Variants in CNGA1 observed in about 807,000 individuals in gnomAD.
The protein encoded by CNGA1 is cyclic nucleotide gated channel subunit alpha 1, also known as cyclic nucleotide-gated channel alpha-1.
In CNGA1, 53 loss-of-function variants were observed where a neutral mutation model predicts 69.7. The observed-to-expected ratio is 0.76, with a 90% CI of 0.61 to 0.96. The LOEUF (loss-of-function observed/expected upper bound fraction) is 0.96. Among genes scored for constraint, CNGA1 ranks in the 40% least tolerant of loss-of-function variants. The pLI, the probability that CNGA1 is intolerant of heterozygous loss-of-function variation, is 0.00. For synonymous variants in CNGA1, 249 were observed against 283.5 expected, an observed-to-expected ratio of 0.88 and a Z score of 1.22; for missense variants, 739 against 811.2, an observed-to-expected ratio of 0.91 and a Z score of 1.08.
chr4:47,938,315 AT>A (rs1290897834), intron 10 of CNGA1, among the ~76,000 whole-genome samples: 3 of 5,940 alleles, frequency 5.1e-4, no homozygotes, highest in Non-Finnish European at 7.6e-4. Context: ...ATATTGTGAG[AT>A]ATATATATAT....
At position 47,942,118 on chromosome 4, in the gene CNGA1, G is replaced by A. The variant is rs774658179; in HGVS notation, c.468C>T (p.Pro156=). Residue 156 remains proline (P), a synonymous_variant, in exon 9 of 11, where the codon CCC becomes CCT. Coordinates refer to ENST00000514170, the MANE Select transcript of CNGA1 (RefSeq NM_001379270.1). The part of the protein sequence containing the change: ...EEKKEVVVID[P]SGNTYYNWLF... ...GCCAGTTGTAATATGTGTTTCCCGA[G>A]GGATCAATAACCACAACTTCTTTCT... 6.2e-7 allele frequency: 1 copy of A among 1,613,596 alleles called. No individual in the cohort carries two copies. Among genetic ancestry groups the A allele is most frequent in the Non-Finnish European group, 8.5e-7 (1 of 1,179,610 alleles).
At chr4:47,954,653 C>T (rs1739954242) in intron 3 of CNGA1, among the ~76,000 whole-genome samples, 1 of 152,212 alleles carries the variant, frequency 6.6e-6, no homozygotes, top group Admixed American at 6.5e-5. Flanking sequence ...TGTTCCTCCT[C>T]CTAATTCCCT....
At chr4:47,945,527 G>C (rs1446247794) in intron 6 of CNGA1, among the ~76,000 whole-genome samples, 3 of 152,138 alleles carry the variant, frequency 2.0e-5, no homozygotes, top group African/African-American at 7.2e-5. Context: ...CATCATCGTG[G>C]CCCCCTGTTA....
intron 3 of CNGA1, among the ~76,000 whole-genome samples, chr4:47,980,190 T>C (rs1210399758): frequency 1.3e-5 from 2 of 152,200 alleles, no homozygotes; most frequent in Admixed American, 6.5e-5. Context: ...GTGATTGGTG[T>C]TTATGGGTGT....
chr4:47,937,731 G>T lies in CNGA1; in HGVS notation c.751C>A (p.Pro251Thr). 4 of 1,613,796 alleles carry T rather than the reference G, an allele frequency of 2.5e-6. No individual in the cohort carries two copies. The highest frequency in any genetic ancestry group is 3.4e-6 in the Non-Finnish European group (4 of 1,179,784). The change falls in exon 11 of 11, where the codon CCA (proline) becomes ACA (threonine). Residue 251 changes from proline to threonine, a missense_variant. Physicochemically the swap from Pro to Thr is conservative, Grantham distance 38. Transcript: ENST00000514170. ...QFKLDVLSLIPTDLLYFKLGW... is the reference protein window; with the variant it reads ...QFKLDVLSLITTDLLYFKLGW... ...AACTTAAAATACAGCAAATCAGTTG[G>T]TATCAGTGACAGAACATCAAGTTTA...
chr4:47,959,772 T>A (rs991893421), intron 3 of CNGA1, among the ~76,000 whole-genome samples: 1 of 151,954 alleles, frequency 6.6e-6, no homozygotes, highest in Non-Finnish European at 1.5e-5. Context: ...CCTGGCTAAT[T>A]TTTTTGTATT....
At chr4:47,984,990 A>T (rs1741921477) in intron 2 of CNGA1, among the ~76,000 whole-genome samples, 1 of 152,154 alleles carries the variant, frequency 6.6e-6, no homozygotes, top group African/African-American at 2.4e-5. Flanking sequence ...GAGCTTAAAT[A>T]TATGGGTTTT....
intron 2 of CNGA1, among the ~76,000 whole-genome samples, chr4:47,985,446 T>A (rs1200691886): frequency 6.6e-6 from 1 of 152,190 alleles, no homozygotes; most frequent in African/African-American, 2.4e-5. Flanking sequence ...TTCGCTCCCA[T>A]AGGTAGCCAT....
intron 5 of CNGA1, 132 bp from the exon 6 acceptor site, chr4:47,950,027 T>A (rs1739648260): frequency 1.3e-6 from 1 of 746,290 alleles, no homozygotes; most frequent in Non-Finnish European, 2.3e-6. Flanking sequence ...AGATGATAGA[T>A]ATTTCAAAAA....
chr4:47,975,643 C>T (rs1741308957), intron 3 of CNGA1, among the ~76,000 whole-genome samples: 1 of 152,062 alleles, frequency 6.6e-6, no homozygotes, highest in Admixed American at 6.6e-5. Flanking sequence ...CTGTTATAAT[C>T]CCAGTATCTA....
chr4:47,998,533 G>A lies in CNGA1; in HGVS notation c.-123+12261C>T, dbSNP rs147169015. Among the ~76,000 whole-genome samples the A allele has an allele frequency of 4.6e-3, 693 of 152,224 alleles. 4 individuals are homozygous for A. Among genetic ancestry groups the A allele is most frequent in the Middle Eastern group, 0.017 (5 of 294 alleles). ...CTCATGCCTTTAATCCCAGCACTTT[G>A]GTAGGCTGAGATGGGCAGATCATTT... On this transcript the variant is annotated intron_variant, in intron 2 of 10. Transcript: ENST00000514170.
At chr4:47,994,693 T>G (rs1216278147) in intron 2 of CNGA1, among the ~76,000 whole-genome samples, 1 of 152,130 alleles carries the variant, frequency 6.6e-6, no homozygotes, top group Admixed American at 6.6e-5. Context: ...AGATGTGAGG[T>G]GCCATTCCAT....
At chr4:47,951,187 C>A (rs1164453330) in intron 5 of CNGA1, among the ~76,000 whole-genome samples, 166 bp downstream of exon 5, 1 of 152,208 alleles carries the variant, frequency 6.6e-6, no homozygotes, top group Non-Finnish European at 1.5e-5. Context: ...GTTTACAAAC[C>A]CATTTATGCC....
intron 9 of CNGA1, 147 bp downstream of exon 9, chr4:47,941,894 T>C (rs1739098747): frequency 1.6e-6 from 1 of 640,438 alleles, no homozygotes. Context: ...GAAAACACAC[T>C]GAGAATAATC....
intron 2 of CNGA1, among the ~76,000 whole-genome samples, chr4:48,007,624 T>A (rs1714979990): frequency 6.6e-6 from 1 of 152,138 alleles, no homozygotes; most frequent in South Asian, 2.1e-4. Context: ...CACAAGTACT[T>A]TAAAATCACA....
chr4:47,958,565 T>C (rs1295249641), intron 3 of CNGA1, among the ~76,000 whole-genome samples: 2 of 151,218 alleles, frequency 1.3e-5, no homozygotes, highest in Non-Finnish European at 2.9e-5. Flanking sequence ...GAGGTTACAG[T>C]GAGCCGAGAT....
intron 3 of CNGA1, among the ~76,000 whole-genome samples, chr4:47,972,518 C>T (rs1442426718): frequency 1.3e-5 from 2 of 152,162 alleles, no homozygotes; most frequent in African/African-American, 4.8e-5. Context: ...TTCCCATACC[C>T]TGACCAACAT....
intron 2 of CNGA1, among the ~76,000 whole-genome samples, chr4:47,989,925 A>G (rs1042160082): frequency 1.3e-5 from 2 of 151,796 alleles, no homozygotes; most frequent in African/African-American, 4.9e-5. Context: ...TTTCATGGAC[A>G]TTTATTAGTT....
chr4:47,985,948 A>G (rs992747202), intron 2 of CNGA1, among the ~76,000 whole-genome samples: 1 of 152,216 alleles, frequency 6.6e-6, no homozygotes, highest in Non-Finnish European at 1.5e-5. Context: ...AGCATTTCAC[A>G]CACTGTCAGT....
Sources: gnomAD v4.1 joint callset for allele counts (sites outside exome capture counted in the v4.1 genomes callset) on GRCh38, gnomAD v4.1.1 for gene constraint, MANE v1.5 for transcripts, NCBI Gene and HGNC (gene_info 2026-07-23, HGNC 2026-07-21) for gene names.